The following PDE8A variants were observed in gnomAD, a reference collection of about 807,000 sequenced individuals.
PDE8A encodes the protein phosphodiesterase 8A, also known as high affinity cAMP-specific and IBMX-insensitive 3',5'-cyclic phosphodiesterase 8A.
PDE8A carries 59 observed loss-of-function variants against 105.0 expected under a neutral mutation model. The observed-to-expected ratio is 0.56, with a 90% CI of 0.46 to 0.70. PDE8A has a LOEUF of 0.70. Ranked by LOEUF, PDE8A falls within the 30% of genes least tolerant of loss-of-function variation. PDE8A has a pLI of 0.00. For synonymous variants in PDE8A, 355 were observed against 371.9 expected (o/e 0.95, Z 0.52); for missense variants, 1,014 against 1,045.9 (o/e 0.97, Z 0.42).
intron 1 of PDE8A, among the ~76,000 whole-genome samples, chr15:84,993,023 G>A (rs553820476): frequency 1.3e-3 from 195 of 152,270 alleles, no homozygotes; most frequent in Non-Finnish European, 2.4e-3. Context: ...ACAGGAAAGC[G>A]AATTTAGGGA....
chr15:85,023,982 C>G (rs1450556642), intron 1 of PDE8A, among the ~76,000 whole-genome samples: 1 of 151,682 alleles, frequency 6.6e-6, no homozygotes, highest in Non-Finnish European at 1.5e-5. Context: ...CCAAAGATGT[C>G]TTGATGCTAC....
At chr15:85,013,754 T>A (rs1308583933) in intron 1 of PDE8A, among the ~76,000 whole-genome samples, 1 of 152,228 alleles carries the variant, frequency 6.6e-6, no homozygotes, top group African/African-American at 2.4e-5. Context: ...TGGCTCATAG[T>A]CTCTCTTGAG....
At chr15:84,991,085 CATT>C (rs965717622) in intron 1 of PDE8A, among the ~76,000 whole-genome samples, 18 of 152,078 alleles carry the variant, frequency 1.2e-4, no homozygotes, top group African/African-American at 4.3e-4. Flanking sequence ...GAAATATAAA[CATT>C]ATGACCTCTG....
At chr15:85,014,818 C>G (rs1337204220) in intron 1 of PDE8A, among the ~76,000 whole-genome samples, 1 of 152,060 alleles carries the variant, frequency 6.6e-6, no homozygotes, top group African/African-American at 2.4e-5. Context: ...GTAGACAATT[C>G]ATTGGTTTTT....
chr15:84,986,307 A>C (rs1416952960), intron 1 of PDE8A, among the ~76,000 whole-genome samples: 1 of 152,200 alleles, frequency 6.6e-6, no homozygotes, highest in African/African-American at 2.4e-5. Context: ...GCCAACCTCT[A>C]ATCGAGTGTT....
At chr15:85,136,931 A>G (rs1425097693) in intron 21 of PDE8A, among the ~76,000 whole-genome samples, 2 of 151,954 alleles carry the variant, frequency 1.3e-5, no homozygotes, top group Admixed American at 1.3e-4. Context: ...AGGGTTCAAA[A>G]CCAATCGTGC....
At chr15:85,136,468 G>A in intron 20 of PDE8A, 66 bp from the exon 21 acceptor site, 1 of 1,533,742 alleles carries the variant, frequency 6.5e-7, no homozygotes, top group Admixed American at 1.9e-5. Context: ...TCCTGGGGGA[G>A]GGGCTGCCCC....
chr15:85,062,119 G>A (rs1057152678), intron 1 of PDE8A, among the ~76,000 whole-genome samples: 3 of 151,842 alleles, frequency 2.0e-5, no homozygotes, highest in Non-Finnish European at 4.4e-5. Context: ...TGTTGATTTA[G>A]TTTTTTTCAT....
At chr15:84,981,669 T>G (rs2079709538), upstream of PDE8A, among the ~76,000 whole-genome samples, 1 of 151,530 alleles carries the variant, frequency 6.6e-6, no homozygotes, top group East Asian at 2.0e-4. Context: ...TGTCCACATC[T>G]AGGCGGAGTC....
At chr15:85,083,774 C>T in intron 6 of PDE8A, 130 bp downstream of exon 6, 1 of 650,838 alleles carries the variant, frequency 1.5e-6, no homozygotes, top group South Asian at 1.8e-5. Context: ...GGAGTGGCAA[C>T]TCCCCTCGTA....
chr15:85,027,445 G>T (rs2080537231), intron 1 of PDE8A, among the ~76,000 whole-genome samples: 1 of 152,184 alleles, frequency 6.6e-6, no homozygotes, highest in Non-Finnish European at 1.5e-5. Context: ...TACCTTCAGT[G>T]TTGAAATCAA....
chr15:85,106,389 A>C (rs2081948052), intron 11 of PDE8A, among the ~76,000 whole-genome samples: 1 of 152,044 alleles, frequency 6.6e-6, no homozygotes, highest in Non-Finnish European at 1.5e-5. Flanking sequence ...TCTCCTTTCG[A>C]GTTCATGGAC....
chr15:85,093,973 C>G (rs1054857196), intron 8 of PDE8A, among the ~76,000 whole-genome samples: 5 of 152,156 alleles, frequency 3.3e-5, no homozygotes, highest in Non-Finnish European at 7.3e-5. Flanking sequence ...GATTTTCCCA[C>G]TTCAGCCTCC....
chr15:84,993,192 C>G (rs1405473870), intron 1 of PDE8A, among the ~76,000 whole-genome samples: 2 of 151,920 alleles, frequency 1.3e-5, no homozygotes, highest in African/African-American at 4.8e-5. Flanking sequence ...GCCTGTAATC[C>G]CAGCACTTTG....
At chr15:85,042,172 GT>G (rs1290643838) in intron 1 of PDE8A, among the ~76,000 whole-genome samples, 10 of 151,438 alleles carry the variant, frequency 6.6e-5, no homozygotes, top group African/African-American at 2.2e-4. Flanking sequence ...TTTGTTTTTT[GT>G]TTTTTTGTTT....
At chr15:85,013,744 T>C (rs1016727863) in intron 1 of PDE8A, among the ~76,000 whole-genome samples, 1 of 152,262 alleles carries the variant, frequency 6.6e-6, no homozygotes, top group Non-Finnish European at 1.5e-5. Flanking sequence ...TCAATAGTTC[T>C]GGCTCATAGT....
At chr15:85,128,865 T>C (rs1333068390) in intron 20 of PDE8A, among the ~76,000 whole-genome samples, 1 of 152,162 alleles carries the variant, frequency 6.6e-6, no homozygotes, top group African/African-American at 2.4e-5. Flanking sequence ...TGGCTAAAAA[T>C]GGGAAAGGCT....
chr15:85,073,383 G>A (rs1009009589), intron 3 of PDE8A, among the ~76,000 whole-genome samples: 2 of 152,154 alleles, frequency 1.3e-5, no homozygotes, highest in African/African-American at 4.8e-5. Context: ...GTCCCAGTAT[G>A]TCTCTACCTT....
Position 85,065,712 on chromosome 15 carries a change from C to T in PDE8A, c.243+1286C>T, listed in dbSNP as rs142550551. Among the ~76,000 whole-genome samples the T allele has an allele frequency of 7.2e-4, 110 of 152,334 alleles. No homozygotes were observed. In the Middle Eastern group the frequency reaches 0.017, roughly 24 times the overall value. On this transcript the variant is annotated intron_variant, in intron 2 of 21. Transcript: ENST00000394553. ...CTTTGCAGTCTGTTTCACAGGCTGC[C>T]CATCTCCTCCTTACCACTGTTGCCC...
Sources: gnomAD v4.1 joint callset for allele counts (sites outside exome capture counted in the v4.1 genomes callset) on GRCh38, gnomAD v4.1.1 for gene constraint, MANE v1.5 for transcripts, NCBI Gene and HGNC (gene_info 2026-07-23, HGNC 2026-07-21) for gene names.